The following EFNA5 variants were observed in gnomAD, a reference collection of about 807,000 sequenced individuals.
EFNA5 encodes ephrin A5, also known as ephrin-A5.
A neutral mutation model predicts 22.9 loss-of-function variants in EFNA5; 5 were observed. The observed-to-expected ratio is 0.22, with a 90% CI of 0.11 to 0.46. The LOEUF (loss-of-function observed/expected upper bound fraction) is 0.46. EFNA5 is among the 20% of genes least tolerant of loss of function. The pLI, the probability that EFNA5 is intolerant of heterozygous loss-of-function variation, is 0.99. For synonymous variants in EFNA5, 113 were observed against 112.2 expected, an observed-to-expected ratio of 1.01 and a Z score of -0.04; for missense variants, 237 against 293.3, an observed-to-expected ratio of 0.81 and a Z score of 1.40.
chr5:107,567,112 G>A lies in EFNA5; in HGVS notation c.125+103377C>T, dbSNP rs1205938549. On this transcript the variant is annotated intron_variant, in intron 1 of 4. Coordinates refer to ENST00000333274, the MANE Select transcript of EFNA5 (RefSeq NM_001962.3). ...AGATATGATTGGAAATAAGCAAAAC[G>A]AGAAAGAGTTGTCCTATGTGTATGT... 2.0e-5 allele frequency among the ~76,000 whole-genome samples: 3 copies of A among 152,186 alleles called. No homozygotes were observed. In the East Asian group the frequency reaches 5.8e-4, roughly 29 times the overall value.
At chr5:107,493,567 C>T (rs1421985556) in intron 1 of EFNA5, among the ~76,000 whole-genome samples, 2 of 152,204 alleles carry the variant, frequency 1.3e-5, no homozygotes, top group Non-Finnish European at 2.9e-5. Flanking sequence ...AAGTATATTA[C>T]AAGACTCTGG....
intron 1 of EFNA5, among the ~76,000 whole-genome samples, chr5:107,549,362 T>C (rs341275): frequency 0.16 from 23,875 of 152,228 alleles, 2,066 homozygotes; most frequent in Middle Eastern, 0.3. Flanking sequence ...CATTATTTCA[T>C]TTGATCCCCA....
rs577912666 is a variant in EFNA5, at chr5:107,460,544, C to A, written c.126-33035G>T. 2.5e-3 allele frequency among the ~76,000 whole-genome samples: 386 copies of A among 152,220 alleles called. 2 individuals are homozygous for A. Among genetic ancestry groups the A allele is most frequent in the African/African-American group, 9.0e-3 (372 of 41,544 alleles). ...TCGAAAACTTGAGTGAGTAAAGCCT[C>A]TTTCTTAAGGAAGGTATCAGCTGTT... On this transcript the variant is annotated intron_variant, in intron 1 of 4. Transcript: ENST00000333274.
Position 107,478,854 on chromosome 5 carries a change from C to T in EFNA5, c.126-51345G>A, listed in dbSNP as rs183019942. On this transcript the variant is annotated intron_variant, in intron 1 of 4. Transcript: ENST00000333274. ...CATTAGTCTGCTTACTAAAATGAAA[C>T]TTTTCGTTTTATTTATGGAAGTTTT... Among the ~76,000 whole-genome samples, 5 of 152,116 alleles carry T rather than the reference C, an allele frequency of 3.3e-5. No homozygotes were observed. In the East Asian group the frequency reaches 9.7e-4, roughly 29 times the overall value.
intron 1 of EFNA5, among the ~76,000 whole-genome samples, chr5:107,597,915 T>G (rs551712421): frequency 6.6e-6 from 1 of 152,072 alleles, no homozygotes; most frequent in African/African-American, 2.4e-5. Context: ...TGGAGAAGTA[T>G]TAAACAAATG....
At chr5:107,425,735 A>G (rs1748793966) in intron 2 of EFNA5, among the ~76,000 whole-genome samples, 2 of 152,222 alleles carry the variant, frequency 1.3e-5, no homozygotes, top group African/African-American at 4.8e-5. Flanking sequence ...TTCAATTCCA[A>G]TATAAGTGAC....
At chr5:107,643,641 C>A (rs1036115642) in intron 1 of EFNA5, among the ~76,000 whole-genome samples, 1 of 151,264 alleles carries the variant, frequency 6.6e-6, no homozygotes, top group Non-Finnish European at 1.5e-5. Context: ...ACTAAAAGAT[C>A]TCCAGCTGGT....
intron 1 of EFNA5, among the ~76,000 whole-genome samples, chr5:107,564,101 T>C (rs1748609813): frequency 6.6e-6 from 1 of 152,074 alleles, no homozygotes; most frequent in Non-Finnish European, 1.5e-5. Flanking sequence ...GGGCAGGGGC[T>C]GGGCAGGAGC....
At chr5:107,609,603 G>C (rs1360995400) in intron 1 of EFNA5, among the ~76,000 whole-genome samples, 1 of 152,156 alleles carries the variant, frequency 6.6e-6, no homozygotes, top group Non-Finnish European at 1.5e-5. Context: ...GTGAGAGCTG[G>C]AGGCTGCACC....
In EFNA5 at chr5:107,658,939, C is replaced by T. The variant is rs140270655; in HGVS notation, c.125+11550G>A. On this transcript the variant is annotated intron_variant, in intron 1 of 4. Transcript: ENST00000333274. Reference sequence around the variant, plus strand: ...ACTGCAGTATCTCCAGTACTGAGAACAGTACCTGGCCCACAGTGGACACCT... The same window carrying T: ...ACTGCAGTATCTCCAGTACTGAGAATAGTACCTGGCCCACAGTGGACACCT... Among the ~76,000 whole-genome samples, 193 of 152,264 alleles carry T rather than the reference C, an allele frequency of 1.3e-3. 5 individuals carry two copies. In the East Asian group the frequency reaches 0.033, roughly 26 times the overall value.
chr5:107,432,247 C>A (rs1390119891), intron 1 of EFNA5, among the ~76,000 whole-genome samples: 1 of 152,206 alleles, frequency 6.6e-6, no homozygotes, highest in Non-Finnish European at 1.5e-5. Flanking sequence ...GCTCAGCAGC[C>A]ATTCACATAA....
At chr5:107,522,157 TC>T (rs1308259486) in intron 1 of EFNA5, among the ~76,000 whole-genome samples, 1 of 152,224 alleles carries the variant, frequency 6.6e-6, no homozygotes, top group East Asian at 1.9e-4. Context: ...CAAAAAGTAC[TC>T]TAGTGCAGTA....
chr5:107,466,586 G>A (rs540348097), intron 1 of EFNA5, among the ~76,000 whole-genome samples: 13 of 152,244 alleles, frequency 8.5e-5, no homozygotes, highest in Middle Eastern at 3.4e-3. Flanking sequence ...TCGCGAGATC[G>A]ACTTAGAGAA....
At chr5:107,462,187 G>A (rs1169495089) in intron 1 of EFNA5, among the ~76,000 whole-genome samples, 1 of 152,132 alleles carries the variant, frequency 6.6e-6, no homozygotes, top group Admixed American at 6.6e-5. Flanking sequence ...TCACTGCAAA[G>A]AGTGAAGAAC....
At chr5:107,585,906 A>G (rs1425137355) in intron 1 of EFNA5, among the ~76,000 whole-genome samples, 1 of 152,194 alleles carries the variant, frequency 6.6e-6, no homozygotes, top group Non-Finnish European at 1.5e-5. Flanking sequence ...GGGACAGTTT[A>G]GTTCACTGGT....
intron 1 of EFNA5, among the ~76,000 whole-genome samples, chr5:107,568,705 C>A (rs1748714519): frequency 6.6e-6 from 1 of 152,060 alleles, no homozygotes; most frequent in Admixed American, 6.6e-5. Context: ...ATCAGAAATG[C>A]CAACATAAAT....
intron 1 of EFNA5, among the ~76,000 whole-genome samples, chr5:107,454,219 A>G (rs913909469): frequency 2.0e-5 from 3 of 152,186 alleles, no homozygotes; most frequent in African/African-American, 7.2e-5. Context: ...ACAATTCTAC[A>G]AGTCATTTTT....
rs182608508 is a variant in EFNA5 at position 107,488,848 on chromosome 5, C to T, written c.126-61339G>A. On this transcript the variant is annotated intron_variant, in intron 1 of 4. Coordinates refer to ENST00000333274, the MANE Select transcript of EFNA5 (RefSeq NM_001962.3). ...CTGGGATTACAGGCGAGTGCCACGA[C>T]GCCTGGCTAATTTTTTGTATTTTTT... Among the ~76,000 whole-genome samples the T allele has an allele frequency of 6.4e-3, 966 of 151,810 alleles. 9 individuals carry two copies. Among genetic ancestry groups the T allele is most frequent in the African/African-American group, 0.021 (882 of 41,422 alleles).
intron 2 of EFNA5, among the ~76,000 whole-genome samples, chr5:107,402,484 C>T (rs934830703): frequency 2.0e-5 from 3 of 152,170 alleles, no homozygotes; most frequent in Non-Finnish European, 2.9e-5. Context: ...TGCCAATTTG[C>T]TTTTACAGTC....
Sources: allele counts gnomAD v4.1 joint callset (sites outside exome capture counted in the v4.1 genomes callset), GRCh38; gene constraint gnomAD v4.1.1; transcripts MANE v1.5; gene names NCBI Gene and HGNC (gene_info 2026-07-23, HGNC 2026-07-21).